CDH12: variants seen among roughly 807,000 people sequenced by gnomAD.
CDH12 encodes the protein cadherin-12.
Under a neutral mutation model 74.1 loss-of-function variants are expected in CDH12, and 41 were observed. The observed-to-expected ratio is 0.55, with a 90% confidence interval of 0.43 to 0.72. The LOEUF is 0.72. Ranked by LOEUF, CDH12 falls within the 30% of genes least tolerant of loss-of-function variation. The pLI, the probability that CDH12 is intolerant of heterozygous loss-of-function variation, is 0.00. For synonymous variants in CDH12, 399 were observed against 355.0 expected (o/e 1.12, Z -1.39); for missense variants, 945 against 977.2 (o/e 0.97, Z 0.44).
chr5:22,559,327 C>T (rs1000463289), intron 1 of CDH12, among the ~76,000 whole-genome samples: 4 of 151,858 alleles, frequency 2.6e-5, no homozygotes, highest in Admixed American at 1.3e-4. Flanking sequence ...ATGGGAAAGA[C>T]GGTAATTATA....
At chr5:21,910,856 G>T (rs1420152202) in intron 6 of CDH12, among the ~76,000 whole-genome samples, 2 of 151,968 alleles carry the variant, frequency 1.3e-5, no homozygotes, top group Non-Finnish European at 2.9e-5. Context: ...TCAAGTGTTT[G>T]CTCTTCCAGA....
chr5:21,857,758 T>C (rs1408768343), intron 6 of CDH12, among the ~76,000 whole-genome samples: 1 of 151,884 alleles, frequency 6.6e-6, no homozygotes, highest in East Asian at 1.9e-4. Context: ...GATTTGGATA[T>C]TGTATTGGTC....
chr5:22,776,188 C>G lies in CDH12; in HGVS notation c.-523+76870G>C, dbSNP rs184314177. 1.0e-3 allele frequency among the ~76,000 whole-genome samples: 155 copies of G among 152,226 alleles called. 1 individual carries two copies. The highest frequency in any genetic ancestry group is 1.9e-3 in the Non-Finnish European group (131 of 68,016). On this transcript the variant is annotated intron_variant, in intron 1 of 14. Transcript: ENST00000382254. ...ATGGAGTGAGGATATTTATCTATTT[C>G]TTGGACAGGTTAACTAATTACATAG...
chr5:22,653,287 C>T (rs72637790), intron 1 of CDH12, among the ~76,000 whole-genome samples: 17,879 of 152,008 alleles, frequency 0.12, 1,383 homozygotes, highest in East Asian at 0.43. Flanking sequence ...TTGAGCTCTT[C>T]ATTAAGTAAC....
intron 6 of CDH12, among the ~76,000 whole-genome samples, chr5:21,898,615 T>C (rs373320055): frequency 2.2e-3 from 335 of 152,076 alleles, no homozygotes; most frequent in Non-Finnish European, 3.5e-3. Flanking sequence ...GGCAGGAGAA[T>C]GGCGTGAACT....
chr5:22,646,332 A>G (rs1033882265), intron 1 of CDH12, among the ~76,000 whole-genome samples: 1 of 151,810 alleles, frequency 6.6e-6, no homozygotes, highest in Non-Finnish European at 1.5e-5. Flanking sequence ...TCATGCTGTC[A>G]TTTCTTATAA....
chr5:22,065,253 A>C (rs1480939338), intron 5 of CDH12, among the ~76,000 whole-genome samples: 2 of 152,306 alleles, frequency 1.3e-5, no homozygotes, highest in South Asian at 2.1e-4. Flanking sequence ...GTGATGCATT[A>C]AATACCAAAA....
chr5:22,341,876 G>C (rs910476717), intron 3 of CDH12, among the ~76,000 whole-genome samples: 3 of 152,018 alleles, frequency 2.0e-5, no homozygotes, highest in African/African-American at 7.2e-5. Context: ...AGGTACTCTT[G>C]ATGAATTTGC....
At chr5:22,117,796 T>A (rs1745262426) in intron 4 of CDH12, among the ~76,000 whole-genome samples, 1 of 141,764 alleles carries the variant, frequency 7.1e-6, no homozygotes, top group African/African-American at 2.7e-5. Flanking sequence ...ATACTGATGT[T>A]AGCTAAGCAA....
chr5:21,894,539 G>A (rs1480029139), intron 6 of CDH12, among the ~76,000 whole-genome samples: 2 of 151,874 alleles, frequency 1.3e-5, no homozygotes, highest in African/African-American at 4.8e-5. Flanking sequence ...AGTATAATGT[G>A]TACTTAAAAA....
At chr5:22,569,660 C>G (rs571649682) in intron 1 of CDH12, among the ~76,000 whole-genome samples, 1 of 152,196 alleles carries the variant, frequency 6.6e-6, no homozygotes, top group South Asian at 2.1e-4. Flanking sequence ...TTCCAGAAAC[C>G]ATTTTATTAG....
chr5:21,773,651 G>C (rs1745443229), intron 11 of CDH12, among the ~76,000 whole-genome samples: 1 of 152,004 alleles, frequency 6.6e-6, no homozygotes, highest in South Asian at 2.1e-4. Context: ...CAGATGGCCT[G>C]TTGTGGGACT....
At position 22,212,502 on chromosome 5, in the gene CDH12, A is replaced by G; in HGVS notation, c.-191T>C. On this transcript the variant is annotated 5_prime_UTR_variant, in exon 4 of 15. Coordinates refer to ENST00000382254, the MANE Select transcript of CDH12 (RefSeq NM_004061.5). ...CCCGGATAAAGCAGCACTTACCTTAATTGAAATTTTCTCTGTGAACGAGGT... is the reference window on the plus strand; with the variant it reads ...CCCGGATAAAGCAGCACTTACCTTAGTTGAAATTTTCTCTGTGAACGAGGT... 1.0e-6 allele frequency: 1 copy of G among 979,804 alleles called. No homozygotes were observed. Among genetic ancestry groups the G allele is most frequent in the Non-Finnish European group, 1.2e-6 (1 of 824,496 alleles). 60.7% of individuals were successfully genotyped at this position (979,804 alleles called of 1,614,324 possible).
chr5:22,405,637 A>C (rs1418142814), intron 2 of CDH12, among the ~76,000 whole-genome samples: 1 of 152,204 alleles, frequency 6.6e-6, no homozygotes, highest in Non-Finnish European at 1.5e-5. Context: ...TTAAACAATA[A>C]ATTTAGTTCC....
At chr5:22,058,393 A>C (rs1213564107) in intron 5 of CDH12, among the ~76,000 whole-genome samples, 1 of 152,110 alleles carries the variant, frequency 6.6e-6, no homozygotes, top group Non-Finnish European at 1.5e-5. Context: ...CTGGTTCTTC[A>C]GGCATGGCTT....
chr5:22,093,955 C>G (rs1169597823), intron 4 of CDH12, among the ~76,000 whole-genome samples: 1 of 152,170 alleles, frequency 6.6e-6, no homozygotes, highest in African/African-American at 2.4e-5. Flanking sequence ...TACCTCAATA[C>G]TAACTTATGG....
intron 2 of CDH12, among the ~76,000 whole-genome samples, chr5:22,427,097 T>C (rs1743971248): frequency 6.6e-6 from 1 of 152,182 alleles, no homozygotes; most frequent in Admixed American, 6.5e-5. Flanking sequence ...TAGAGATGGA[T>C]ATCTGGATAA....
chr5:22,752,032 C>A (rs1157835728), intron 1 of CDH12, among the ~76,000 whole-genome samples: 2 of 152,078 alleles, frequency 1.3e-5, no homozygotes, highest in Non-Finnish European at 2.9e-5. Context: ...TAATTGCTAT[C>A]ATTTCAGTGT....
At chr5:21,903,669 A>G (rs1026630018) in intron 6 of CDH12, among the ~76,000 whole-genome samples, 3 of 152,142 alleles carry the variant, frequency 2.0e-5, no homozygotes, top group South Asian at 2.1e-4. Flanking sequence ...CCAGGTTTAT[A>G]TAACAGTGTC....
Sources: gnomAD v4.1 joint callset for allele counts (sites outside exome capture counted in the v4.1 genomes callset) on GRCh38, gnomAD v4.1.1 for gene constraint, MANE v1.5 for transcripts, NCBI Gene and HGNC (gene_info 2026-07-23, HGNC 2026-07-21) for gene names.